Variants in PRDM5 observed in about 807,000 individuals in gnomAD.
The protein encoded by PRDM5 is PR domain zinc finger protein 5.
PRDM5 carries 56 observed loss-of-function variants against 81.2 expected under a neutral mutation model. The ratio of observed to expected loss-of-function variants is 0.69; its 90% CI spans 0.56 to 0.86. The LOEUF is 0.86. Ranked by LOEUF, PRDM5 falls within the 40% of genes least tolerant of loss-of-function variation. The probability of loss-of-function intolerance (pLI) is 0.00; values close to 1 mark genes in which losing one functional copy is unlikely to be tolerated. For missense variants in PRDM5, 697 were observed against 770.1 expected (o/e 0.91, Z 1.12); for synonymous variants, 267 against 256.4 (o/e 1.04, Z -0.39).
chr4:120,782,038 A>T (rs1202756800), intron 11 of PRDM5, among the ~76,000 whole-genome samples: 1 of 152,192 alleles, frequency 6.6e-6, no homozygotes, highest in Non-Finnish European at 1.5e-5. Flanking sequence ...ACATATATAG[A>T]AATCTTATGG....
chr4:120,821,389 G>T, intron 3 of PRDM5, 44 bp from the exon 4 acceptor site: 1 of 1,535,880 alleles, frequency 6.5e-7, no homozygotes, highest in Non-Finnish European at 9.0e-7. Flanking sequence ...ATTTGTTTCT[G>T]ATAGTAATTA....
chr4:120,862,149 T>A (rs1328721352), intron 2 of PRDM5, among the ~76,000 whole-genome samples: 2 of 152,182 alleles, frequency 1.3e-5, no homozygotes, highest in East Asian at 3.8e-4. Context: ...CTCATAATCA[T>A]CCAGCAATCA....
At chr4:120,809,745 A>G (rs1341693088) in intron 8 of PRDM5, among the ~76,000 whole-genome samples, 1 of 152,240 alleles carries the variant, frequency 6.6e-6, no homozygotes, top group Non-Finnish European at 1.5e-5. Context: ...TCTCAACTAT[A>G]GGAAAAGTTC....
intron 14 of PRDM5, among the ~76,000 whole-genome samples, chr4:120,730,704 A>G (rs1313144225): frequency 6.6e-6 from 1 of 152,258 alleles, no homozygotes; most frequent in Non-Finnish European, 1.5e-5. Context: ...GACAGCATGT[A>G]CTTTCTTTTA....
intron 3 of PRDM5, chr4:120,839,021 C>A: frequency 5.3e-6 from 3 of 562,966 alleles, no homozygotes; most frequent in Non-Finnish European, 6.4e-6. Flanking sequence ...GACAGGCACA[C>A]CGCAAGTAGC....
chr4:120,753,614 T>G (rs1323800839), intron 14 of PRDM5, among the ~76,000 whole-genome samples: 3 of 152,166 alleles, frequency 2.0e-5, no homozygotes, highest in Non-Finnish European at 4.4e-5. Flanking sequence ...TCTCTAAAAT[T>G]TTTATTTTAT....
At chr4:120,776,146 C>T (rs1013090022) in intron 13 of PRDM5, among the ~76,000 whole-genome samples, 2 of 152,168 alleles carry the variant, frequency 1.3e-5, no homozygotes, top group Non-Finnish European at 2.9e-5. Context: ...TCCTTTTCTT[C>T]TTTAGAGCAC....
chr4:120,770,809 C>T (rs1287701997), intron 13 of PRDM5, among the ~76,000 whole-genome samples: 1 of 151,996 alleles, frequency 6.6e-6, no homozygotes, highest in Non-Finnish European at 1.5e-5. Flanking sequence ...CAGTTACCTG[C>T]ACAATCATGA....
intron 1 of PRDM5, among the ~76,000 whole-genome samples, chr4:120,913,275 C>G (rs1766723451): frequency 6.6e-6 from 1 of 152,214 alleles, no homozygotes; most frequent in Non-Finnish European, 1.5e-5. Flanking sequence ...AGCATGATAG[C>G]TGGGGCTGAA....
chr4:120,888,331 T>C (rs1015483390), intron 2 of PRDM5, among the ~76,000 whole-genome samples: 1 of 152,204 alleles, frequency 6.6e-6, no homozygotes, highest in Non-Finnish European at 1.5e-5. Flanking sequence ...ATAGATTAGC[T>C]TCACCTGCTT....
chr4:120,800,926 A>T (rs1370787959), intron 8 of PRDM5, among the ~76,000 whole-genome samples: 3 of 152,206 alleles, frequency 2.0e-5, no homozygotes, highest in Non-Finnish European at 4.4e-5. Context: ...TAAATTAGTT[A>T]TTTCCCTCCC....
chr4:120,730,701 T>C (rs759933151), intron 14 of PRDM5, among the ~76,000 whole-genome samples: 68 of 152,354 alleles, frequency 4.5e-4, no homozygotes, highest in Non-Finnish European at 8.1e-4. Context: ...TCAGACAGCA[T>C]GTACTTTCTT....
intron 2 of PRDM5, among the ~76,000 whole-genome samples, chr4:120,900,723 T>C (rs1477345256): frequency 6.6e-6 from 1 of 152,204 alleles, no homozygotes; most frequent in East Asian, 1.9e-4. Context: ...AATAATTTGC[T>C]ATAACTGTAA....
At chr4:120,867,007 G>A (rs1761255174) in intron 2 of PRDM5, among the ~76,000 whole-genome samples, 1 of 152,138 alleles carries the variant, frequency 6.6e-6, no homozygotes, top group Non-Finnish European at 1.5e-5. Context: ...GGGCTCACAG[G>A]GTGGCCTGAG....
At chr4:120,830,313 C>G (rs1756551045) in intron 3 of PRDM5, among the ~76,000 whole-genome samples, 1 of 152,024 alleles carries the variant, frequency 6.6e-6, no homozygotes, top group African/African-American at 2.4e-5. Flanking sequence ...GCAAAGTGAA[C>G]CACGTCCAAG....
intron 13 of PRDM5, among the ~76,000 whole-genome samples, chr4:120,764,940 CT>C (rs1220084883): frequency 6.6e-6 from 1 of 152,054 alleles, no homozygotes; most frequent in African/African-American, 2.4e-5. Flanking sequence ...TAAAAATGTG[CT>C]AAAATGTTGT....
At chr4:120,741,517 G>C (rs541180902) in intron 14 of PRDM5, among the ~76,000 whole-genome samples, 2 of 151,618 alleles carry the variant, frequency 1.3e-5, no homozygotes, top group South Asian at 2.1e-4. Context: ...CTGAGGTACC[G>C]GGTTCATCTC....
chr4:120,773,400 G>A (rs1379555433), intron 13 of PRDM5, among the ~76,000 whole-genome samples: 1 of 152,152 alleles, frequency 6.6e-6, no homozygotes, highest in Non-Finnish European at 1.5e-5. Context: ...GCTATTTAAT[G>A]AGATCAGCTA....
chr4:120,784,964 C>A, intron 11 of PRDM5, 34 bp downstream of exon 11: 1 of 1,490,894 alleles, frequency 6.7e-7, no homozygotes, highest in South Asian at 1.1e-5. Flanking sequence ...TGAGATAATT[C>A]CTTATATTCT....
Sources: allele counts gnomAD v4.1 joint callset (sites outside exome capture counted in the v4.1 genomes callset), GRCh38; gene constraint gnomAD v4.1.1; transcripts MANE v1.5; gene names NCBI Gene and HGNC (gene_info 2026-07-23, HGNC 2026-07-21).